Variants in TEX9 observed in about 807,000 individuals in gnomAD.
TEX9 encodes the protein testis expressed 9.
TEX9 carries 74 observed loss-of-function variants against 59.6 expected under a neutral mutation model. The observed-to-expected ratio is 1.24, with a 90% confidence interval of 1.03 to 1.51. TEX9 has a LOEUF of 1.51. Ranked by LOEUF, TEX9 falls within the 40% of genes most tolerant of loss-of-function variation. The pLI is 0.00. For synonymous variants in TEX9, 186 were observed against 152.2 expected, an observed-to-expected ratio of 1.22 and a Z score of -1.64; for missense variants, 522 against 447.8, an observed-to-expected ratio of 1.17 and a Z score of -1.49.
At chr15:56,293,207 C>T (rs762960687) in intron 1 of TEX9, among the ~76,000 whole-genome samples, 7 of 151,920 alleles carry the variant, frequency 4.6e-5, no homozygotes, top group Admixed American at 6.6e-5. Context: ...CATAATGGCA[C>T]GCTCCTGTAG....
At chr15:56,388,512 G>C in exon 5 of TEX9, 1 of 1,611,374 alleles carries the variant, frequency 6.2e-7, no homozygotes, top group Non-Finnish European at 8.5e-7. Flanking sequence ...TCTTCATTCA[G>C]AAACTAAGGT....
At chr15:56,300,708 G>GGGGAGAGAGAGA (rs1160272154) in intron 1 of TEX9, among the ~76,000 whole-genome samples, 2 of 102,670 alleles carry the variant, frequency 1.9e-5, no homozygotes, top group Non-Finnish European at 3.9e-5. Flanking sequence ...AGAGAGAGAG[G>GGGGAGAGAGAGA]GAGAGAGAGA....
chr15:56,302,105 G>A (rs1390134976), intron 1 of TEX9, among the ~76,000 whole-genome samples: 1 of 152,088 alleles, frequency 6.6e-6, no homozygotes, highest in African/African-American at 2.4e-5. Flanking sequence ...TACTTTGTTT[G>A]CTTTTGTTAG....
In TEX9 at chr15:56,427,589, T is replaced by C. The variant is rs751966676; in HGVS notation, c.964-16T>C. 1 of 1,473,218 alleles carries C rather than the reference T, an allele frequency of 6.8e-7. No individual in the cohort carries two copies. The highest frequency in any genetic ancestry group is 9.1e-7 in the Non-Finnish European group (1 of 1,104,004). 91.3% of individuals were successfully genotyped at this position (1,473,218 alleles called of 1,614,324 possible). A position where few individuals can be genotyped will look rare whatever the true frequency, so the allele number is the denominator to read the frequency against. On this transcript the variant is annotated splice_polypyrimidine_tract_variant and intron_variant, in intron 10 of 12. Transcript: ENST00000352903. Reference sequence around the variant, plus strand: ...TGTATATTAAAAATATATGGCACTTTTTTTTCCTTGTGTAGGACATAGCAA... The same window carrying C: ...TGTATATTAAAAATATATGGCACTTCTTTTTCCTTGTGTAGGACATAGCAA...
chr15:56,362,591 A>C (rs192885968), upstream of TEX9, among the ~76,000 whole-genome samples: 1 of 152,330 alleles, frequency 6.6e-6, no homozygotes, highest in Non-Finnish European at 1.5e-5. Flanking sequence ...TACCCATATA[A>C]AGTGTACTAT....
intron 1 of TEX9, among the ~76,000 whole-genome samples, chr15:56,301,712 C>G (rs1035325349): frequency 6.6e-6 from 1 of 151,506 alleles, no homozygotes; most frequent in African/African-American, 2.4e-5. Flanking sequence ...ATCCTTCAAG[C>G]ATTAAAGAGA....
At chr15:56,345,025 A>G (rs2046441814) in intron 1 of TEX9, among the ~76,000 whole-genome samples, 1 of 135,860 alleles carries the variant, frequency 7.4e-6, no homozygotes, top group African/African-American at 2.8e-5. Context: ...TTTTCTATCT[A>G]TCTATCTATC....
rs552794823 is a variant in TEX9 at position 56,392,427 on chromosome 15, G to A, written c.571+1009G>A. The stretch of plus-strand genomic sequence containing the variant: ...GCTTTTAAACAACCAGATTTCATGA[G>A]AACTCACTATCATGAGGACACTACT... On this transcript the variant is annotated intron_variant, in intron 7 of 12. Coordinates refer to ENST00000352903, the Ensembl canonical transcript of TEX9. Among the ~76,000 whole-genome samples, 40 of 152,046 alleles carry A rather than the reference G, an allele frequency of 2.6e-4. No individual in the cohort carries two copies. The South Asian group carries it at 6.6e-3, about 25-fold the overall frequency.
At chr15:56,439,049 G>A (rs1422112201) in intron 12 of TEX9, among the ~76,000 whole-genome samples, 4 of 152,034 alleles carry the variant, frequency 2.6e-5, no homozygotes, top group African/African-American at 9.7e-5. Flanking sequence ...GCCTGACTAT[G>A]TAGGGAAAAA....
chr15:56,262,016 G>T (rs1196017536), intron 1 of TEX9, among the ~76,000 whole-genome samples: 3 of 152,172 alleles, frequency 2.0e-5, no homozygotes, highest in African/African-American at 7.2e-5. Context: ...ATGTCTCAGT[G>T]GAGTCATTCT....
chr15:56,368,427 C>A (rs2047042349), intron 2 of TEX9, among the ~76,000 whole-genome samples: 1 of 152,002 alleles, frequency 6.6e-6, no homozygotes, highest in Non-Finnish European at 1.5e-5. Flanking sequence ...CAGTATCATT[C>A]TGTCTGTATG....
chr15:56,268,979 A>G (rs1435638660), intron 1 of TEX9, among the ~76,000 whole-genome samples: 4 of 152,124 alleles, frequency 2.6e-5, no homozygotes, highest in Non-Finnish European at 5.9e-5. Context: ...TTGGTAGGCT[A>G]TTAATGATTG....
chr15:56,268,031 G>A (rs1423012928), intron 1 of TEX9, among the ~76,000 whole-genome samples: 1 of 152,058 alleles, frequency 6.6e-6, no homozygotes, highest in East Asian at 1.9e-4. Flanking sequence ...CCTTGAAGAG[G>A]TCCTTCACAT....
At chr15:56,444,383 C>T in intron 12 of TEX9, 1 of 1,426,992 alleles carries the variant, frequency 7.0e-7, no homozygotes, top group South Asian at 1.3e-5. Flanking sequence ...TTCCTCACAA[C>T]AAACCTGTGA....
intron 10 of TEX9, 48 bp downstream of exon 10, chr15:56,412,484 C>A (rs12441309): frequency 0.051 from 78,047 of 1,544,136 alleles, 2,443 homozygotes; most frequent in Admixed American, 0.11. Flanking sequence ...TTGGTAACTA[C>A]TTCTTTTATG....
In TEX9 at chr15:56,324,372, G is replaced by A. The variant is rs188849979; in HGVS notation, c.-106-49069G>A. 6.6e-4 allele frequency among the ~76,000 whole-genome samples: 101 copies of A among 152,170 alleles called. 1 individual carries two copies. The highest frequency in any genetic ancestry group is 6.4e-3 in the Admixed American group (98 of 15,276). On this transcript the variant is annotated intron_variant, in intron 1 of 5. Transcript: ENST00000560827. ...AGAATAGTTCATTTTGGACAGTGTG[G>A]GATATATGTGTATAATTTTAATATA... is the stretch of plus-strand genomic sequence containing the variant.
chr15:56,273,893 A>G (rs1271153274), intron 1 of TEX9, among the ~76,000 whole-genome samples: 1 of 152,170 alleles, frequency 6.6e-6, no homozygotes, highest in South Asian at 2.1e-4. Context: ...CACTTTGAAT[A>G]TAATGTATCC....
intron 10 of TEX9, among the ~76,000 whole-genome samples, chr15:56,424,664 A>T (rs547786642): frequency 2.0e-5 from 3 of 152,218 alleles, no homozygotes; most frequent in African/African-American, 7.2e-5. Context: ...ACCTTGTGTT[A>T]CTGGTGTCAC....
intron 10 of TEX9, 40 bp downstream of exon 10, chr15:56,412,476 G>A: frequency 2.1e-5 from 33 of 1,555,338 alleles, no homozygotes; most frequent in Non-Finnish European, 2.8e-5. Context: ...GATCCCTTTT[G>A]GTAACTACTT....
Sources: gnomAD v4.1 joint callset for allele counts (sites outside exome capture counted in the v4.1 genomes callset) on GRCh38, gnomAD v4.1.1 for gene constraint, MANE v1.5 for transcripts, NCBI Gene and HGNC (gene_info 2026-07-23, HGNC 2026-07-21) for gene names.